Variants in SMIM8 observed in about 807,000 individuals in gnomAD.
SMIM8 encodes UPF0708 protein C6orf162.
Under a neutral mutation model 8.1 loss-of-function variants are expected in SMIM8, and 8 were observed. The ratio of observed to expected loss-of-function variants is 0.99; its 90% CI spans 0.58 to 1.78. The LOEUF (loss-of-function observed/expected upper bound fraction) is 1.78. SMIM8 is among the 40% of genes most tolerant of loss of function. SMIM8 has a pLI of 0.00. For synonymous variants in SMIM8, 45 were observed against 39.7 expected (o/e 1.13, Z -0.50); for missense variants, 126 against 119.8 (o/e 1.05, Z -0.24).
chr6:87,334,388 G>T (rs1777058038), intron 2 of SMIM8, among the ~76,000 whole-genome samples: 1 of 152,202 alleles, frequency 6.6e-6, no homozygotes, highest in East Asian at 1.9e-4. Context: ...ACATGCAGGA[G>T]AAATTTAAAA....
At chr6:87,325,557 C>A (rs12211594) in intron 1 of SMIM8, among the ~76,000 whole-genome samples, 57,797 of 147,502 alleles carry the variant, frequency 0.39, 12,160 homozygotes, top group Non-Finnish European at 0.48. Flanking sequence ...TGTTTATATG[C>A]TGGATTACAT....
rs1034368651 is a variant in SMIM8, at chr6:87,342,288, G to A, written c.*2014G>A. On this transcript the variant is annotated 3_prime_UTR_variant, in exon 4 of 4. Coordinates refer to ENST00000392863, the MANE Select transcript of SMIM8 (RefSeq NM_001042493.3). ...TTTCATCCTTTCTTTGTTGAATGAG[G>A]GTATAACCATCAAAAATAAAATACC... 1.3e-5 allele frequency: 2 copies of A among 152,028 alleles called. No individual in the cohort carries two copies. The highest frequency in any genetic ancestry group is 4.8e-5 in the African/African-American group (2 of 41,354). 9.4% of individuals were successfully genotyped at this position (152,028 alleles called of 1,614,324 possible). A position where few individuals can be genotyped will look rare whatever the true frequency, so the allele number is the denominator to read the frequency against.
intron 1 of SMIM8, among the ~76,000 whole-genome samples, chr6:87,323,406 C>T (rs1776721955): frequency 6.7e-6 from 1 of 149,040 alleles, no homozygotes; most frequent in Admixed American, 6.7e-5. Flanking sequence ...GTATATCTCC[C>T]AATGCTATCC....
intron 1 of SMIM8, among the ~76,000 whole-genome samples, chr6:87,330,272 T>G (rs1776964026): frequency 6.6e-6 from 1 of 152,256 alleles, no homozygotes. Flanking sequence ...GGAAATGCTT[T>G]CATTATTAAT....
rs187895718 is a variant in SMIM8 at position 87,336,720 on chromosome 6, C to T, written c.-23-289C>T. Among the ~76,000 whole-genome samples the T allele has an allele frequency of 1.5e-3, 225 of 152,032 alleles. 1 individual carries two copies. Among genetic ancestry groups the T allele is most frequent in the Non-Finnish European group, 1.4e-3 (95 of 68,016 alleles). Reference sequence around the variant, plus strand: ...ATAGTCTTGGTTGCATATGATACGACGTGACTCAGAGCAACAAACAATTCT... The same window carrying T: ...ATAGTCTTGGTTGCATATGATACGATGTGACTCAGAGCAACAAACAATTCT... On this transcript the variant is annotated intron_variant, in intron 2 of 3. Transcript: ENST00000392863.
intron 2 of SMIM8, among the ~76,000 whole-genome samples, chr6:87,333,416 A>G (rs905216896): frequency 6.6e-6 from 1 of 152,186 alleles, no homozygotes; most frequent in African/African-American, 2.4e-5. Context: ...ACCCACGTTT[A>G]TAGTCAAACA....
At chr6:87,332,445 A>G (rs1473687710) in intron 2 of SMIM8, among the ~76,000 whole-genome samples, 1 of 149,420 alleles carries the variant, frequency 6.7e-6, no homozygotes, top group Non-Finnish European at 1.5e-5. Flanking sequence ...ATATAATTTT[A>G]TATACCCCAG....
At chr6:87,329,325 A>C (rs1325654222) in intron 1 of SMIM8, 1 of 152,772 alleles carries the variant, frequency 6.5e-6, no homozygotes, top group Non-Finnish European at 1.5e-5. Context: ...CCCAGGCTGG[A>C]GTGCAGTGGC....
At chr6:87,333,450 T>C (rs1221614126) in intron 2 of SMIM8, among the ~76,000 whole-genome samples, 1 of 152,178 alleles carries the variant, frequency 6.6e-6, no homozygotes, top group East Asian at 1.9e-4. Context: ...GGGAGAAACA[T>C]CACTGACACC....
Position 87,329,935 on chromosome 6 carries a change from A to G in SMIM8, c.-44-757A>G, listed in dbSNP as rs552266187. On this transcript the variant is annotated intron_variant, in intron 1 of 3. Transcript: ENST00000392863. ...AAATGTGTCATCTTAATTAATGCAC[A>G]CATTTAGTACCTATCTATGCAATAG... Among the ~76,000 whole-genome samples, 62 of 152,312 alleles carry G rather than the reference A, an allele frequency of 4.1e-4. 1 individual carries two copies. Among genetic ancestry groups the G allele is most frequent in the African/African-American group, 1.4e-3 (58 of 41,566 alleles).
chr6:87,326,344 C>T (rs150148983), intron 1 of SMIM8, among the ~76,000 whole-genome samples: 17,421 of 151,942 alleles, frequency 0.11, 1,034 homozygotes, highest in East Asian at 0.13. Flanking sequence ...TTCTAGTTCT[C>T]TTAATTGTGA....
Position 87,330,913 on chromosome 6 carries a change from A to G in SMIM8, c.-24+201A>G, listed in dbSNP as rs1413193106. On this transcript the variant is annotated intron_variant, in intron 2 of 3. Transcript: ENST00000392863. ...TGAAGAAGAAATAAGAGTGGGGCAG[A>G]TTGCACAGCCAGGGGTGCCTGATTA... 3.9e-5 allele frequency: 6 copies of G among 152,150 alleles called. No homozygotes were observed. In the East Asian group the frequency reaches 9.6e-4, roughly 24 times the overall value. 9.4% of individuals were successfully genotyped at this position (152,150 alleles called of 1,614,324 possible). A position where few individuals can be genotyped will look rare whatever the true frequency, so the allele number is the denominator to read the frequency against.
intron 1 of SMIM8, among the ~76,000 whole-genome samples, chr6:87,325,309 T>C (rs1238593383): frequency 6.9e-6 from 1 of 144,910 alleles, no homozygotes; most frequent in African/African-American, 2.6e-5. Flanking sequence ...CTATGTTGAA[T>C]AGGAGTGGTG....
intron 3 of SMIM8, among the ~76,000 whole-genome samples, chr6:87,339,037 A>T (rs1294589137): frequency 1.3e-5 from 2 of 151,980 alleles, no homozygotes; most frequent in African/African-American, 2.4e-5. Context: ...CTACAAAAAA[A>T]TTTAAAATTA....
intron 2 of SMIM8, among the ~76,000 whole-genome samples, chr6:87,335,792 G>A (rs142237739): frequency 7.3e-6 from 1 of 136,578 alleles, no homozygotes; most frequent in East Asian, 2.3e-4. Flanking sequence ...GGTTTGCTTT[G>A]TTGCCAGGAG....
chr6:87,335,174 C>A (rs1377198329), intron 2 of SMIM8, among the ~76,000 whole-genome samples: 1 of 152,186 alleles, frequency 6.6e-6, no homozygotes. Flanking sequence ...AAAACACAGG[C>A]ATGATTCCTG....
intron 1 of SMIM8, chr6:87,329,387 G>A (rs1209416300): frequency 6.6e-6 from 1 of 152,464 alleles, no homozygotes; most frequent in South Asian, 2.1e-4. Context: ...CGATTATTCT[G>A]CCTCAGCCTC....
chr6:87,338,986 A>T (rs956805081), intron 3 of SMIM8, among the ~76,000 whole-genome samples: 26 of 132,608 alleles, frequency 2.0e-4, no homozygotes, highest in Non-Finnish European at 2.1e-4. Context: ...AGGTAGAGGG[A>T]TCTCTTGAGG....
chr6:87,323,491 T>C (rs1776725416), intron 1 of SMIM8, among the ~76,000 whole-genome samples: 1 of 145,254 alleles, frequency 6.9e-6, no homozygotes, highest in Admixed American at 7.2e-5. Context: ...GTTCCCATTG[T>C]TCAATTCCCA....
Sources: allele counts gnomAD v4.1 joint callset (sites outside exome capture counted in the v4.1 genomes callset), GRCh38; gene constraint gnomAD v4.1.1; transcripts MANE v1.5; gene names NCBI Gene and HGNC (gene_info 2026-07-23, HGNC 2026-07-21).